Variants in SDK2 observed in about 807,000 individuals in gnomAD.
SDK2 encodes the protein protein sidekick-2.
A neutral mutation model predicts 253.9 loss-of-function variants in SDK2; 105 were observed. The observed-to-expected ratio is 0.41, with a 90% CI of 0.35 to 0.49. The LOEUF (loss-of-function observed/expected upper bound fraction) is 0.49. Among genes scored for constraint, SDK2 ranks in the 20% least tolerant of loss-of-function variants. The pLI is 0.06. For synonymous variants in SDK2, 1,249 were observed against 1,234.9 expected, an observed-to-expected ratio of 1.01 and a Z score of -0.24; for missense variants, 2,608 against 3,003.0, an observed-to-expected ratio of 0.87 and a Z score of 3.07.
chr17:73,537,169 A>C (rs2044789290), intron 1 of SDK2, among the ~76,000 whole-genome samples: 1 of 152,202 alleles, frequency 6.6e-6, no homozygotes, highest in African/African-American at 2.4e-5. Flanking sequence ...ACTCAGCCGC[A>C]GATATTAATC....
intron 1 of SDK2, among the ~76,000 whole-genome samples, chr17:73,614,323 G>A (rs1236625701): frequency 6.6e-6 from 1 of 152,142 alleles, no homozygotes; most frequent in Non-Finnish European, 1.5e-5. Flanking sequence ...TCGAACCCGA[G>A]GATGGACCAC....
In SDK2 at chr17:73,392,240, C is replaced by G. The variant is rs1272586676; in HGVS notation, c.3899-702G>C. Among the ~76,000 whole-genome samples the G allele has an allele frequency of 2.0e-5, 3 of 149,276 alleles. No individual in the cohort carries two copies. The East Asian group carries it at 5.9e-4, about 29-fold the overall frequency. ...GGCACTCTTCTGTGTTGCCGCACTG[C>G]AGAACAGAATAAGATGTCTGAGATT... On this transcript the variant is annotated intron_variant, in intron 27 of 44. Coordinates refer to ENST00000392650, the MANE Select transcript of SDK2 (RefSeq NM_001144952.2).
chr17:73,558,893 A>T (rs1285938284), intron 1 of SDK2, among the ~76,000 whole-genome samples: 1 of 152,146 alleles, frequency 6.6e-6, no homozygotes, highest in African/African-American at 2.4e-5. Context: ...AGGTACTCTC[A>T]CTCACTGCAG....
intron 1 of SDK2, among the ~76,000 whole-genome samples, chr17:73,601,075 A>C (rs945433581): frequency 6.6e-6 from 1 of 150,844 alleles, no homozygotes; most frequent in African/African-American, 2.4e-5. Context: ...GCTGGAGTGC[A>C]GTGGCATGAT....
rs1385800411 is a variant in SDK2 at position 73,435,723 on chromosome 17, G to A, written c.1001-79C>T. The A allele has an allele frequency of 5.2e-6, 7 of 1,351,474 alleles. No individual in the cohort carries two copies. The highest frequency in any genetic ancestry group is 4.3e-5 in the South Asian group (3 of 69,066). The allele number at this position is 1,351,474 out of a possible 1,614,324, so 83.7% of individuals were successfully genotyped here. On this transcript the variant is annotated intron_variant, in intron 8 of 44. Transcript: ENST00000392650. The surrounding 1 kb of genome is among the most constrained non-coding windows in gnomAD (Gnocchi z 5.7). ...TAGGAGGGGTGCTTGGGAGGAGGCC[G>A]GGCCCGGAAATCTGCGAGGGGGTCC...
intron 44 of SDK2, among the ~76,000 whole-genome samples, chr17:73,346,344 G>A (rs2062484751): frequency 6.6e-6 from 1 of 152,148 alleles, no homozygotes; most frequent in Admixed American, 6.5e-5. Flanking sequence ...AAGATTAGAT[G>A]GTGTGTGCCA....
At chr17:73,405,715 T>C (rs1464500178) in intron 18 of SDK2, among the ~76,000 whole-genome samples, 1 of 148,966 alleles carries the variant, frequency 6.7e-6, no homozygotes, top group African/African-American at 2.5e-5. Context: ...ACACCTCCTC[T>C]TATATATCTT....
intron 41 of SDK2, among the ~76,000 whole-genome samples, chr17:73,351,214 A>G (rs1275600110): frequency 2.6e-5 from 4 of 151,554 alleles, no homozygotes; most frequent in Admixed American, 6.6e-5. Context: ...GGTTCAAGCA[A>G]TTCTCCTGCC....
intron 20 of SDK2, 145 bp downstream of exon 20, chr17:73,401,509 A>T (rs1320321585): frequency 2.5e-6 from 2 of 788,812 alleles, no homozygotes; most frequent in African/African-American, 3.4e-5. Context: ...GGAGGTGCCA[A>T]GAGCCTCCTG....
chr17:73,563,447 A>C (rs1028354097), intron 1 of SDK2, among the ~76,000 whole-genome samples: 1 of 152,116 alleles, frequency 6.6e-6, no homozygotes, highest in Non-Finnish European at 1.5e-5. Flanking sequence ...GTGCGGTGGC[A>C]CACGGCTGTA....
intron 2 of SDK2, among the ~76,000 whole-genome samples, chr17:73,483,661 G>GTGTGTGTGTA (rs1388091890): frequency 7.1e-5 from 5 of 70,192 alleles, no homozygotes; most frequent in Non-Finnish European, 1.0e-4. Context: ...GTGTGTGTGT[G>GTGTGTGTGTA]TATATATATA....
intron 39 of SDK2, among the ~76,000 whole-genome samples, chr17:73,359,153 G>C (rs1022895028): frequency 6.6e-6 from 1 of 152,080 alleles, no homozygotes; most frequent in Non-Finnish European, 1.5e-5. Flanking sequence ...GGATGAGGGA[G>C]GGAACCAGTG....
intron 1 of SDK2, among the ~76,000 whole-genome samples, chr17:73,624,368 C>T (rs1467174845): frequency 1.3e-5 from 2 of 152,162 alleles, no homozygotes; most frequent in African/African-American, 4.8e-5. Context: ...GGTAGTGCGC[C>T]TATAGTCCCA....
intron 39 of SDK2, 71 bp from the exon 40 acceptor site, chr17:73,358,275 C>G (rs1389591710): frequency 6.5e-7 from 1 of 1,531,346 alleles, no homozygotes; most frequent in East Asian, 2.4e-5. Flanking sequence ...ACCCTGGGCT[C>G]GAGGAGGAAC....
In SDK2 at chr17:73,405,490, AT is replaced by A. The variant is rs1568385659; in HGVS notation, c.2485-3350del. ...ACCATATATATATATATATATATATATATATATATATATATATATATATATA... is the reference window on the plus strand; with the variant it reads ...ACCATATATATATATATATATATATAATATATATATATATATATATATATA... On this transcript the variant is annotated intron_variant, in intron 18 of 44. Transcript: ENST00000392650. Among the ~76,000 whole-genome samples the A allele has an allele frequency of 3.3e-3, 323 of 98,228 alleles. 49 individuals are homozygous for A. The highest frequency in any genetic ancestry group is 0.01 in the African/African-American group (271 of 27,042). The allele number at this position is 98,228 out of a possible 152,430, so 64.4% of individuals were successfully genotyped here. A position where few individuals can be genotyped will look rare whatever the true frequency, so the allele number is the denominator to read the frequency against.
Position 73,447,757 on chromosome 17 carries a change from A to G in SDK2, c.480-9T>C, listed in dbSNP as rs146800026. 260 of 1,551,588 alleles carry G rather than the reference A, an allele frequency of 1.7e-4. 1 individual carries two copies. The East Asian group carries it at 5.8e-3, about 35-fold the overall frequency. ...TCTCCAGCGTGATGGCTCTGGGAAG[A>G]GGAAAAGGATTCCTCTGACAGGGGC... On this transcript the variant is annotated splice_polypyrimidine_tract_variant and intron_variant, in intron 4 of 44. Transcript: ENST00000392650. The surrounding 1 kb of genome is among the most constrained non-coding windows in gnomAD (Gnocchi z 4.0).
rs768088288 is a variant in SDK2 at position 73,393,595 on chromosome 17, C to T, written c.3863G>A (p.Ser1288Asn). 2 of 1,576,838 alleles carry T rather than the reference C, an allele frequency of 1.3e-6. No individual in the cohort carries two copies. Among genetic ancestry groups the T allele is most frequent in the South Asian group, 1.2e-5 (1 of 86,294 alleles). ...CGTCCGCTCCAGGATGGGAGGGTGG[C>T]TGGGGCTGCCGTCCCCGATGCGTGT... ...AFTRIGDGSPSHPPILERTLD... is the reference protein window; with the variant it reads ...AFTRIGDGSPNHPPILERTLD... Residue 1288 changes from serine to asparagine, a missense_variant, in exon 27 of 45, where the codon AGC becomes AAC. Physicochemically the swap from Ser to Asn is conservative, Grantham distance 46. This residue lies in a region of SDK2 where 1,505 missense variants were observed against 1,859.1 expected (regional missense o/e 0.81). Coordinates refer to ENST00000392650, the MANE Select transcript of SDK2 (RefSeq NM_001144952.2).
In SDK2 at chr17:73,435,652, C is replaced by A. The variant is rs1175823261; in HGVS notation, c.1001-8G>T. Reference sequence around the variant, plus strand: ...TGGAGGGCGGCGGCACACCTGTGGGCAAGACGTGGGCCCACCGTCAACCTG... The same window carrying A: ...TGGAGGGCGGCGGCACACCTGTGGGAAAGACGTGGGCCCACCGTCAACCTG... On this transcript the variant is annotated splice_region_variant and splice_polypyrimidine_tract_variant and intron_variant, in intron 8 of 44. Coordinates refer to ENST00000392650, the MANE Select transcript of SDK2 (RefSeq NM_001144952.2). The surrounding 1 kb of genome is among the most constrained non-coding windows in gnomAD (Gnocchi z 5.7). The A allele has an allele frequency of 2.6e-6, 4 of 1,543,834 alleles. No homozygotes were observed. Among genetic ancestry groups the A allele is most frequent in the Non-Finnish European group, 3.5e-6 (4 of 1,142,266 alleles).
chr17:73,593,346 C>T (rs533635044), intron 1 of SDK2, among the ~76,000 whole-genome samples: 1 of 152,294 alleles, frequency 6.6e-6, no homozygotes, highest in East Asian at 1.9e-4. Context: ...AATGAAGGAG[C>T]CTCAGCACCC....
Sources: gnomAD v4.1 joint callset for allele counts (sites outside exome capture counted in the v4.1 genomes callset) on GRCh38, gnomAD v4.1.1 for gene constraint, gnomAD v4.1.1 regional missense constraint, Gnocchi (gnomAD v3.1) non-coding constraint, MANE v1.5 for transcripts, NCBI Gene and HGNC (gene_info 2026-07-23, HGNC 2026-07-21) for gene names.